Variants in KCNJ3 observed in about 807,000 individuals in gnomAD.
KCNJ3 encodes the protein G protein-activated inward rectifier potassium channel 1.
KCNJ3 carries 4 observed loss-of-function variants against 39.2 expected under a neutral mutation model. That is an observed-to-expected ratio of 0.10 (90% CI 0.05 to 0.23). The LOEUF (loss-of-function observed/expected upper bound fraction) is 0.23, where lower values mean the gene tolerates loss of function less well. Ranked by LOEUF, KCNJ3 falls within the 10% of genes least tolerant of loss-of-function variation. The pLI is 1.00. For synonymous variants in KCNJ3, 230 were observed against 237.4 expected, an observed-to-expected ratio of 0.97 and a Z score of 0.29; for missense variants, 276 against 634.9, an observed-to-expected ratio of 0.43 and a Z score of 6.08.
At chr2:154,731,898 G>A (rs375508065) in intron 2 of KCNJ3, among the ~76,000 whole-genome samples, 20 of 151,934 alleles carry the variant, frequency 1.3e-4, no homozygotes, top group South Asian at 8.3e-4. Context: ...TTATCATCAT[G>A]TTCTACTGAT....
At chr2:154,745,870 A>T (rs1685732299) in intron 2 of KCNJ3, among the ~76,000 whole-genome samples, 1 of 151,918 alleles carries the variant, frequency 6.6e-6, no homozygotes, top group Non-Finnish European at 1.5e-5. Flanking sequence ...TTGTAGATAG[A>T]AGTTCAGATT....
intron 2 of KCNJ3, among the ~76,000 whole-genome samples, chr2:154,775,772 C>T (rs1221363454): frequency 2.6e-5 from 4 of 151,890 alleles, no homozygotes; most frequent in Non-Finnish European, 4.4e-5. Context: ...CAAGTAATTG[C>T]GTAAAACATG....
chr2:154,700,830 C>G (rs185064893), intron 1 of KCNJ3, among the ~76,000 whole-genome samples: 181 of 152,256 alleles, frequency 1.2e-3, no homozygotes, highest in Non-Finnish European at 2.2e-3. Context: ...AAGCAGTTCA[C>G]TTGTCCTGTC....
chr2:154,776,737 G>GA (rs1378590233), intron 2 of KCNJ3, among the ~76,000 whole-genome samples: 1 of 151,826 alleles, frequency 6.6e-6, no homozygotes, highest in Non-Finnish European at 1.5e-5. Context: ...AATCTCAGTT[G>GA]AAAAAAATAC....
chr2:154,702,733 G>A (rs957056271), intron 1 of KCNJ3, among the ~76,000 whole-genome samples: 1 of 151,758 alleles, frequency 6.6e-6, no homozygotes, highest in African/African-American at 2.4e-5. Flanking sequence ...AAAATCAAAG[G>A]CTATAGTTTG....
At chr2:154,786,550 A>G (rs960096309) in intron 2 of KCNJ3, among the ~76,000 whole-genome samples, 1 of 152,224 alleles carries the variant, frequency 6.6e-6, no homozygotes, top group African/African-American at 2.4e-5. Flanking sequence ...GTTTTCAGTC[A>G]GTCAAATTGC....
intron 2 of KCNJ3, among the ~76,000 whole-genome samples, chr2:154,803,313 A>C (rs1686852776): frequency 6.6e-6 from 1 of 152,030 alleles, no homozygotes; most frequent in Non-Finnish European, 1.5e-5. Context: ...TTATATCATG[A>C]AATTAGAATT....
At chr2:154,762,789 T>A (rs1432091026) in intron 2 of KCNJ3, among the ~76,000 whole-genome samples, 1 of 152,190 alleles carries the variant, frequency 6.6e-6, no homozygotes, top group Non-Finnish European at 1.5e-5. Context: ...TGTGAGACTC[T>A]TTTAACTGTT....
At chr2:154,759,702 T>G (rs182365488) in intron 2 of KCNJ3, among the ~76,000 whole-genome samples, 76 of 152,242 alleles carry the variant, frequency 5.0e-4, no homozygotes, top group African/African-American at 1.8e-3. Flanking sequence ...TTAATCATAT[T>G]TATATAAGCC....
intron 2 of KCNJ3, among the ~76,000 whole-genome samples, chr2:154,795,969 A>G (rs1686712724): frequency 1.3e-5 from 2 of 152,116 alleles, no homozygotes; most frequent in Non-Finnish European, 2.9e-5. Context: ...ATCCTTGTAG[A>G]ATAGTTCACA....
At chr2:154,803,679 T>C (rs1686860806) in intron 2 of KCNJ3, among the ~76,000 whole-genome samples, 1 of 152,032 alleles carries the variant, frequency 6.6e-6, no homozygotes, top group South Asian at 2.1e-4. Flanking sequence ...TGACATTTAT[T>C]TTTTCTCTGA....
chr2:154,711,536 A>G (rs1685102939), intron 2 of KCNJ3, among the ~76,000 whole-genome samples: 1 of 152,108 alleles, frequency 6.6e-6, no homozygotes, highest in Admixed American at 6.5e-5. Context: ...AATACTGAAT[A>G]TATTTGTTAG....
At chr2:154,847,122 C>T (rs2105135883) in intron 2 of KCNJ3, among the ~76,000 whole-genome samples, 1 of 152,150 alleles carries the variant, frequency 6.6e-6, no homozygotes. Flanking sequence ...TTTCTGGAAG[C>T]AATTTATGTA....
intron 2 of KCNJ3, among the ~76,000 whole-genome samples, chr2:154,811,947 C>T (rs1293869981): frequency 6.6e-6 from 1 of 152,090 alleles, no homozygotes; most frequent in African/African-American, 2.4e-5. Context: ...GTTTCCAGGT[C>T]GTTCACCAGT....
intron 2 of KCNJ3, among the ~76,000 whole-genome samples, chr2:154,713,969 A>G (rs1055726794): frequency 3.9e-5 from 6 of 152,080 alleles, no homozygotes; most frequent in African/African-American, 1.4e-4. Flanking sequence ...TTGGCATGTC[A>G]TCTCTCCACC....
intron 2 of KCNJ3, among the ~76,000 whole-genome samples, chr2:154,825,879 T>G (rs1322654425): frequency 1.3e-5 from 2 of 151,470 alleles, no homozygotes; most frequent in African/African-American, 4.8e-5. Context: ...GCACCTGTTT[T>G]TTTTTTTTTT....
chr2:154,708,728 T>A (rs564206243), intron 1 of KCNJ3, among the ~76,000 whole-genome samples: 1 of 152,294 alleles, frequency 6.6e-6, no homozygotes, highest in South Asian at 2.1e-4. Context: ...TAATTTTTAA[T>A]AGTCATATTA....
At chr2:154,728,068 T>C (rs1685390046) in intron 2 of KCNJ3, among the ~76,000 whole-genome samples, 1 of 151,984 alleles carries the variant, frequency 6.6e-6, no homozygotes, top group Non-Finnish European at 1.5e-5. Flanking sequence ...AAATATTATT[T>C]CCCCCTGTTA....
chr2:154,744,823 CTTTA>C (rs966479872), intron 2 of KCNJ3, among the ~76,000 whole-genome samples: 4 of 151,698 alleles, frequency 2.6e-5, no homozygotes, highest in African/African-American at 9.7e-5. Flanking sequence ...TTGCTCTTGT[CTTTA>C]TTATTTCTTT....
Sources: allele counts gnomAD v4.1 joint callset (sites outside exome capture counted in the v4.1 genomes callset), GRCh38; gene constraint gnomAD v4.1.1; transcripts MANE v1.5; gene names NCBI Gene and HGNC (gene_info 2026-07-23, HGNC 2026-07-21).